Variants in SLC41A1 observed in about 807,000 individuals in gnomAD.
SLC41A1 encodes solute carrier family 41 member 1.
In SLC41A1, 20 loss-of-function variants were observed where a neutral mutation model predicts 47.3. The observed-to-expected ratio is 0.42, with a 90% CI of 0.30 to 0.61. The LOEUF (loss-of-function observed/expected upper bound fraction) is 0.61. SLC41A1 is among the 20% of genes least tolerant of loss of function. The probability of loss-of-function intolerance (pLI) is 0.17; values close to 1 mark genes in which losing one functional copy is unlikely to be tolerated. For synonymous variants in SLC41A1, 282 were observed against 272.7 expected, an observed-to-expected ratio of 1.03 and a Z score of -0.34; for missense variants, 504 against 674.1, an observed-to-expected ratio of 0.75 and a Z score of 2.79.
Position 205,795,024 on chromosome 1 carries a change from A to G in SLC41A1, c.1208-6T>C. On this transcript the variant is annotated splice_polypyrimidine_tract_variant and splice_region_variant and intron_variant, in intron 9 of 10. Transcript: ENST00000367137. ...GGCTGAGCGAGAATTCACATCTGGAATTGGGGAAAAGAGGGTGTAAAGAGG... is the reference window on the plus strand; with the variant it reads ...GGCTGAGCGAGAATTCACATCTGGAGTTGGGGAAAAGAGGGTGTAAAGAGG... 6.2e-7 allele frequency: 1 copy of G among 1,613,774 alleles called. No individual in the cohort carries two copies. Among genetic ancestry groups the G allele is most frequent in the Non-Finnish European group, 8.5e-7 (1 of 1,179,928 alleles).
intron 10 of SLC41A1, 114 bp downstream of exon 10, chr1:205,794,756 C>T: frequency 7.1e-7 from 1 of 1,401,124 alleles, no homozygotes; most frequent in African/African-American, 1.4e-5. Context: ...TATCAGCTGC[C>T]CTGACACAGA....
intron 10 of SLC41A1, among the ~76,000 whole-genome samples, chr1:205,792,688 T>C (rs1336382137): frequency 6.6e-6 from 1 of 152,176 alleles, no homozygotes. Flanking sequence ...TCTCCTAGAA[T>C]CTGCACAGTG....
intron 8 of SLC41A1, chr1:205,796,491 C>A (rs183193436): frequency 2.5e-5 from 6 of 241,334 alleles, no homozygotes; most frequent in African/African-American, 1.1e-4. Flanking sequence ...TTTGCACATG[C>A]CCAGTTTTCC....
chr1:205,795,546 T>G (rs912859537), intron 8 of SLC41A1, 68 bp from the exon 9 acceptor site: 85 of 1,578,868 alleles, frequency 5.4e-5, no homozygotes, highest in Non-Finnish European at 7.3e-5. Flanking sequence ...AAAATGATCT[T>G]CTCACTCTTT....
In SLC41A1 at chr1:205,808,428, C is replaced by T. The variant is rs563713287; in HGVS notation, c.372+1642G>A. Among the ~76,000 whole-genome samples, 17 of 152,280 alleles carry T rather than the reference C, an allele frequency of 1.1e-4. No homozygotes were observed. The South Asian group carries it at 2.3e-3, about 20-fold the overall frequency. ...TTATGGATCCTACCTCATGGGCCTA[C>T]CGAAGAGCCCCCCAAATGCTTCCCC... On this transcript the variant is annotated intron_variant, in intron 2 of 10. Coordinates refer to ENST00000367137, the MANE Select transcript of SLC41A1 (RefSeq NM_173854.6).
In SLC41A1 at chr1:205,794,850, C is replaced by G; in HGVS notation, c.1356+20G>C. The G allele has an allele frequency of 6.2e-7, 1 of 1,613,420 alleles. No homozygotes were observed. On this transcript the variant is annotated intron_variant, in intron 10 of 10. Transcript: ENST00000367137. The stretch of plus-strand genomic sequence containing the variant: ...GGCATCCTGGCTCCTTCCCATGCCC[C>G]TGCTCCTGCCACTTTGTACCTGGAG...
chr1:205,799,703 G>C (rs1655831146), intron 4 of SLC41A1, 56 bp downstream of exon 4: 1 of 1,584,486 alleles, frequency 6.3e-7, no homozygotes, highest in Non-Finnish European at 8.6e-7. Flanking sequence ...AAGCCTTTCA[G>C]AGATTCCTGA....
intron 1 of SLC41A1, 152 bp downstream of exon 1, chr1:205,812,656 C>G: frequency 1.3e-6 from 1 of 755,830 alleles, no homozygotes; most frequent in Non-Finnish European, 1.6e-6. Flanking sequence ...ACAAAAAAGA[C>G]CCATTTTAGT....
intron 2 of SLC41A1, among the ~76,000 whole-genome samples, chr1:205,807,385 C>T (rs1656037220): frequency 6.6e-6 from 1 of 152,170 alleles, no homozygotes. Context: ...AGGTGCCACA[C>T]TGAGAGCAGC....
In SLC41A1 at chr1:205,791,337, C is replaced by T; in HGVS notation, c.*196G>A. The T allele has an allele frequency of 1.5e-6, 1 of 669,660 alleles. No homozygotes were observed. Among genetic ancestry groups the T allele is most frequent in the South Asian group, 1.8e-5 (1 of 56,296 alleles). The allele number at this position is 669,660 out of a possible 1,614,324, so 41.5% of individuals were successfully genotyped here. A position where few individuals can be genotyped will look rare whatever the true frequency, so the allele number is the denominator to read the frequency against. ...CCTACTTGTACTGCTTATCTCAGGC[C>T]ATCTGTGTTTCCCAAATTCTTGCTA... On this transcript the variant is annotated 3_prime_UTR_variant, in exon 11 of 11. Coordinates refer to ENST00000367137, the MANE Select transcript of SLC41A1 (RefSeq NM_173854.6). The surrounding 1 kb of genome is among the most constrained non-coding windows in gnomAD (Gnocchi z 4.0).
chr1:205,805,358 T>A (rs1401843969), intron 2 of SLC41A1, among the ~76,000 whole-genome samples: 1 of 152,080 alleles, frequency 6.6e-6, no homozygotes, highest in East Asian at 1.9e-4. Context: ...AGGCTGGAGA[T>A]GTGGAGCCAG....
In SLC41A1 at chr1:205,795,313, C is replaced by CA. The variant is rs778479230; in HGVS notation, c.1207+30dup. 1.7e-5 allele frequency: 27 copies of CA among 1,614,042 alleles called. No individual in the cohort carries two copies. The South Asian group carries it at 2.6e-4, about 16-fold the overall frequency. The stretch of plus-strand genomic sequence containing the variant: ...TCACTGACAGTAGGCCCACTCCCCC[C>CA]AGGGCTGGGAGGCTGGGAATCTGCC... On this transcript the variant is annotated intron_variant, in intron 9 of 10. Transcript: ENST00000367137.
In SLC41A1 at chr1:205,798,757, G is replaced by A. The variant is rs708727; in HGVS notation, c.756C>T (p.Asn252=). The A allele has an allele frequency of 0.36, 584,006 of 1,613,886 alleles. 117,190 individuals carry two copies. The highest frequency in any genetic ancestry group is 0.41 in the Non-Finnish European group (489,223 of 1,179,936). Reference sequence around the variant, plus strand: ...GGCTGGCAGCAATGGGTGTGGCCACGTTGTCTGGGTTGATCCCAATCTTGC... The same window carrying A: ...GGCTGGCAGCAATGGGTGTGGCCACATTGTCTGGGTTGATCCCAATCTTGC... ...GSRKIGINPD[N]VATPIAASLG... Residue 252 remains asparagine, a synonymous_variant, in exon 6 of 11, where the codon AAC becomes AAT. Transcript: ENST00000367137.
chr1:205,791,399 A>C lies in SLC41A1; in HGVS notation c.*134T>G. 1 of 1,136,256 alleles carries C rather than the reference A, an allele frequency of 8.8e-7. No individual in the cohort carries two copies. 70.4% of individuals were successfully genotyped at this position (1,136,256 alleles called of 1,614,324 possible). ...CTCAATGTATAAAAATTCCCATTGA[A>C]AATAATGAGAATTTGGTATCAAAGT... On this transcript the variant is annotated 3_prime_UTR_variant, in exon 11 of 11. Coordinates refer to ENST00000367137, the MANE Select transcript of SLC41A1 (RefSeq NM_173854.6). The surrounding 1 kb of genome is among the most constrained non-coding windows in gnomAD (Gnocchi z 4.0).
intron 2 of SLC41A1, among the ~76,000 whole-genome samples, chr1:205,803,729 C>T (rs1287371317): frequency 4.0e-5 from 6 of 150,990 alleles, no homozygotes; most frequent in African/African-American, 1.5e-4. Flanking sequence ...CAGCCATCCT[C>T]CCATCTCAGT....
chr1:205,804,700 T>C (rs575351678), intron 2 of SLC41A1, among the ~76,000 whole-genome samples: 6 of 152,220 alleles, frequency 3.9e-5, no homozygotes, highest in Admixed American at 2.0e-4. Context: ...AATCCCCCTC[T>C]TCTCCCCTCC....
At chr1:205,804,178 G>T (rs866304328) in intron 2 of SLC41A1, among the ~76,000 whole-genome samples, 4 of 152,148 alleles carry the variant, frequency 2.6e-5, no homozygotes, top group Admixed American at 6.5e-5. Flanking sequence ...ATCAGAGGGG[G>T]TGGGGCTAGG....
chr1:205,791,447 G>A lies in SLC41A1; in HGVS notation c.*86C>T. 1.4e-6 allele frequency: 2 copies of A among 1,469,260 alleles called. No homozygotes were observed. Among genetic ancestry groups the A allele is most frequent in the Non-Finnish European group, 9.5e-7 (1 of 1,055,418 alleles). 91.0% of individuals were successfully genotyped at this position (1,469,260 alleles called of 1,614,324 possible). A position where few individuals can be genotyped will look rare whatever the true frequency, so the allele number is the denominator to read the frequency against. On this transcript the variant is annotated 3_prime_UTR_variant, in exon 11 of 11. Coordinates refer to ENST00000367137, the MANE Select transcript of SLC41A1 (RefSeq NM_173854.6). The surrounding 1 kb of genome is among the most constrained non-coding windows in gnomAD (Gnocchi z 4.0). The stretch of plus-strand genomic sequence containing the variant: ...AGTGAAGTCCTAGAAAGAGGTGGGA[G>A]TGTGGGGTGGAGGAGGGACAGGGGA...
Position 205,789,686 on chromosome 1 carries a change from G to A in SLC41A1, c.*1847C>T, listed in dbSNP as rs556083997. ...CCTCTAAAATTCCTTCCAATTCTAC[G>A]GTTCTATGATTCCAGAAGGAGGCCT... On this transcript the variant is annotated 3_prime_UTR_variant, in exon 11 of 11. Coordinates refer to ENST00000367137, the MANE Select transcript of SLC41A1 (RefSeq NM_173854.6). The A allele has an allele frequency of 1.1e-4, 16 of 152,316 alleles. No homozygotes were observed. Among genetic ancestry groups the A allele is most frequent in the African/African-American group, 3.4e-4 (14 of 41,576 alleles). The allele number at this position is 152,316 out of a possible 1,614,324, so 9.4% of individuals were successfully genotyped here.
Sources: gnomAD v4.1 joint callset for allele counts (sites outside exome capture counted in the v4.1 genomes callset) on GRCh38, gnomAD v4.1.1 for gene constraint, Gnocchi (gnomAD v3.1) non-coding constraint, MANE v1.5 for transcripts, NCBI Gene and HGNC (gene_info 2026-07-23, HGNC 2026-07-21) for gene names.